The following GNL2 variants were observed in gnomAD, a reference collection of about 807,000 sequenced individuals.
The protein encoded by GNL2 is nucleolar GTP-binding protein 2.
In GNL2, 51 loss-of-function variants were observed where a neutral mutation model predicts 92.3. The observed-to-expected ratio is 0.55, with a 90% CI of 0.44 to 0.70. The LOEUF (loss-of-function observed/expected upper bound fraction) is 0.70, where lower values mean the gene tolerates loss of function less well. GNL2 is among the 30% of genes least tolerant of loss of function. The pLI, the probability that GNL2 is intolerant of heterozygous loss-of-function variation, is 0.00. For synonymous variants in GNL2, 283 were observed against 300.6 expected (o/e 0.94, Z 0.61); for missense variants, 844 against 895.6 (o/e 0.94, Z 0.74).
chr1:37,568,397 G>A lies in GNL2; in HGVS notation c.1869-40C>T, dbSNP rs377097691. 72 of 1,311,614 alleles carry A rather than the reference G, an allele frequency of 5.5e-5. No homozygotes were observed. The African/African-American group carries it at 7.1e-4, about 13-fold the overall frequency. 81.2% of individuals were successfully genotyped at this position (1,311,614 alleles called of 1,614,324 possible). On this transcript the variant is annotated intron_variant, in intron 13 of 15. Coordinates refer to ENST00000373062, the MANE Select transcript of GNL2 (RefSeq NM_013285.3). ...CAAAGTAACATTCCTCCTCTCACTC[G>A]CCCGAATCACATACTGACCTGGAGA...
chr1:37,567,666 C>T lies in GNL2; in HGVS notation c.2043+7G>A, dbSNP rs1459948396. 1.3e-6 allele frequency: 2 copies of T among 1,583,290 alleles called. No homozygotes were observed. Among genetic ancestry groups the T allele is most frequent in the South Asian group, 1.1e-5 (1 of 90,424 alleles). On this transcript the variant is annotated splice_region_variant and intron_variant, in intron 15 of 15. Transcript: ENST00000373062. ...CTTGGGCCATACTTAAAACCTATGA[C>T]ACTTACTTCTTTTGATGTAAGCGCC...
chr1:37,593,792 C>T lies in GNL2; in HGVS notation c.119G>A (p.Arg40His), dbSNP rs1408064242. ...CTCCTTTTGCCTATACATATTCAGGCGCCGGATGGTGGCCCGGTCCCTCAT... is the reference window on the plus strand; with the variant it reads ...CTCCTTTTGCCTATACATATTCAGGTGCCGGATGGTGGCCCGGTCCCTCAT... The part of the protein sequence containing the change: ...QNMRDRATIR[R>H]LNMYRQKERR... Residue 40 changes from arginine to histidine, a missense_variant, in exon 2 of 16, where the codon CGC becomes CAC. Arg to His is a conservative substitution (Grantham distance 29). Transcript: ENST00000373062. 21 of 1,613,944 alleles carry T rather than the reference C, an allele frequency of 1.3e-5. No homozygotes were observed. The highest frequency in any genetic ancestry group is 5.5e-5 in the South Asian group (5 of 91,076).
intron 9 of GNL2, chr1:37,576,070 T>A (rs751183642): frequency 9.6e-6 from 3 of 313,942 alleles, no homozygotes; most frequent in Non-Finnish European, 1.8e-5. Context: ...TTCTAGGATA[T>A]GACCCCCAAC....
chr1:37,567,544 T>C, intron 15 of GNL2, 129 bp downstream of exon 15: 1 of 708,096 alleles, frequency 1.4e-6, no homozygotes, highest in Non-Finnish European at 2.5e-6. Flanking sequence ...CCTATTTATC[T>C]GACCTCAACT....
rs770732483 is a variant in GNL2 at position 37,574,460 on chromosome 1, A to C, written c.1303-4T>G. 65 of 1,607,214 alleles carry C rather than the reference A, an allele frequency of 4.0e-5. No individual in the cohort carries two copies. The highest frequency in any genetic ancestry group is 3.3e-4 in the Middle Eastern group (2 of 6,044). ...TCTGCAAGTCGGGCTCTCCACCCTG[A>C]AAGGTCACAAAGAGATTCCCAATTA... On this transcript the variant is annotated splice_polypyrimidine_tract_variant and splice_region_variant and intron_variant, in intron 11 of 15. Coordinates refer to ENST00000373062, the MANE Select transcript of GNL2 (RefSeq NM_013285.3).
At chr1:37,582,187 A>G (rs369804205) in intron 8 of GNL2, 36 bp downstream of exon 8, 1 of 1,365,694 alleles carries the variant, frequency 7.3e-7, no homozygotes. Context: ...ACTCACAGCT[A>G]CACAACTCCA....
At chr1:37,590,889 G>GCATCCATCTTC in intron 3 of GNL2, 44 bp from the exon 4 acceptor site, 1 of 1,487,234 alleles carries the variant, frequency 6.7e-7, no homozygotes, top group Non-Finnish European at 9.0e-7. Flanking sequence ...TAATATTTGC[G>GCATCCATCTTC]CATCCATCTT....
Position 37,568,907 on chromosome 1 carries a change from A to C in GNL2, c.1812T>G (p.Ile604Met), listed in dbSNP as rs1350395288. 1.2e-6 allele frequency: 2 copies of C among 1,614,024 alleles called. No homozygotes were observed. Among genetic ancestry groups the C allele is most frequent in the Non-Finnish European group, 1.7e-6 (2 of 1,180,028 alleles). ...KAVIKALDEK[I>M]AKYQKFLDKA... is the part of the protein sequence containing the mutation. ...TGTCTAGAAACTTCTGATATTTGGCAATCTTCTCATCCAGTGCTTTAATAA... is the reference window on the plus strand; with the variant it reads ...TGTCTAGAAACTTCTGATATTTGGCCATCTTCTCATCCAGTGCTTTAATAA... Residue 604 changes from isoleucine to methionine, a missense_variant, in exon 13 of 16, where the codon ATT (isoleucine) becomes ATG (methionine). Coordinates refer to ENST00000373062, the MANE Select transcript of GNL2 (RefSeq NM_013285.3).
At chr1:37,569,623 G>A (rs971284775) in intron 12 of GNL2, 1 of 250,498 alleles carries the variant, frequency 4.0e-6, no homozygotes, top group Non-Finnish European at 7.7e-6. Flanking sequence ...GCTGATATAA[G>A]CACATGCAAA....
rs1371631745 is a variant in GNL2 at position 37,576,560 on chromosome 1, T to C, written c.910-4A>G. ...TCTGTTTCTTGTCAGTGTGCAACTG[T>C]TCAAAGAGAGAATACACAGCACATA... On this transcript the variant is annotated splice_polypyrimidine_tract_variant and splice_region_variant and intron_variant, in intron 8 of 15. Transcript: ENST00000373062. 6.2e-7 allele frequency: 1 copy of C among 1,613,210 alleles called. No homozygotes were observed. Among genetic ancestry groups the C allele is most frequent in the African/African-American group, 1.3e-5 (1 of 74,892 alleles).
Position 37,568,284 on chromosome 1 carries a change from C to A in GNL2, c.1942G>T (p.Asp648Tyr), listed in dbSNP as rs1343031931. 6.3e-7 allele frequency: 1 copy of A among 1,590,146 alleles called. No homozygotes were observed. The highest frequency in any genetic ancestry group is 8.6e-7 in the Non-Finnish European group (1 of 1,158,030). Residue 648 changes from aspartate to tyrosine, a missense_variant, in exon 14 of 16, where the codon GAT becomes TAT. By Grantham distance (160) the Asp-to-Tyr change is radical (BLOSUM62 -3). Transcript: ENST00000373062. ...EQRKTLEEDV[D>Y]DRAPSKKGKK... The stretch of plus-strand genomic sequence containing the variant: ...AATAATTTAACTTCACCTCTGTCAT[C>A]TACATCTTCTTCCAGTGTTTTTCTT...
At chr1:37,567,118 T>G in intron 15 of GNL2, 111 bp from the exon 16 acceptor site, 1 of 1,114,912 alleles carries the variant, frequency 9.0e-7, no homozygotes, top group Non-Finnish European at 1.3e-6. Context: ...CCCGTGCTGC[T>G]TCCACAGCTA....
chr1:37,579,393 C>G (rs1643729210), intron 8 of GNL2, among the ~76,000 whole-genome samples: 2 of 151,944 alleles, frequency 1.3e-5, no homozygotes, highest in Middle Eastern at 3.4e-3. Flanking sequence ...ACTAAAGATA[C>G]AAAATTAGCC....
chr1:37,592,617 C>T, intron 3 of GNL2, 95 bp downstream of exon 3: 2 of 712,232 alleles, frequency 2.8e-6, no homozygotes, highest in South Asian at 1.7e-5. Context: ...CGGTTTCACT[C>T]ACCAAAAACT....
chr1:37,573,578 G>A (rs565935213), intron 12 of GNL2, among the ~76,000 whole-genome samples: 2 of 152,268 alleles, frequency 1.3e-5, no homozygotes, highest in South Asian at 2.1e-4. Flanking sequence ...GCTGTTTTTC[G>A]TTCCTATATT....
chr1:37,574,433 A>C lies in GNL2; in HGVS notation c.1326T>G (p.Thr442=). 1.2e-6 allele frequency: 2 copies of C among 1,614,056 alleles called. No individual in the cohort carries two copies. The highest frequency in any genetic ancestry group is 2.2e-5 in the South Asian group (2 of 91,074). ...AGTCATTGAGGACCATCTTACCCACAGTCTGCAAGTCGGGCTCTCCACCCT... is the reference window on the plus strand; with the variant it reads ...AGTCATTGAGGACCATCTTACCCACCGTCTGCAAGTCGGGCTCTCCACCCT... ...LLKGGEPDLQ[T]VGKMVLNDWQ... The change falls in exon 12 of 16, where the codon ACT becomes ACG. Residue 442 remains threonine (T), a synonymous_variant. Coordinates refer to ENST00000373062, the MANE Select transcript of GNL2 (RefSeq NM_013285.3).
intron 4 of GNL2, among the ~76,000 whole-genome samples, chr1:37,589,598 C>A (rs1643876201): frequency 6.6e-6 from 1 of 152,216 alleles, no homozygotes; most frequent in Non-Finnish European, 1.5e-5. Context: ...AGCCACCGCG[C>A]CCAGCCTGAA....
chr1:37,576,746 G>C (rs190951209), intron 8 of GNL2, among the ~76,000 whole-genome samples, 190 bp from the exon 9 acceptor site: 1 of 152,292 alleles, frequency 6.6e-6, no homozygotes, highest in African/African-American at 2.4e-5. Context: ...ATAAATCAGA[G>C]GTGAGTCATT....
At chr1:37,573,077 A>G (rs997842650) in intron 12 of GNL2, among the ~76,000 whole-genome samples, 2 of 152,238 alleles carry the variant, frequency 1.3e-5, no homozygotes, top group Non-Finnish European at 2.9e-5. Context: ...GAGACACTCA[A>G]TATGGGATTG....
Sources: gnomAD v4.1 joint callset for allele counts (sites outside exome capture counted in the v4.1 genomes callset) on GRCh38, gnomAD v4.1.1 for gene constraint, MANE v1.5 for transcripts, NCBI Gene and HGNC (gene_info 2026-07-23, HGNC 2026-07-21) for gene names.